The following BNC2 variants were observed in gnomAD, a reference collection of about 807,000 sequenced individuals.
BNC2 encodes the protein zinc finger protein basonuclin-2.
Under a neutral mutation model 76.3 loss-of-function variants are expected in BNC2, and 20 were observed. The ratio of observed to expected loss-of-function variants is 0.26; its 90% CI spans 0.18 to 0.38. BNC2 has a LOEUF of 0.38. Among genes scored for constraint, BNC2 ranks in the 10% least tolerant of loss-of-function variants. BNC2 has a pLI of 1.00. For synonymous variants in BNC2, 582 were observed against 514.8 expected (o/e 1.13, Z -1.77); for missense variants, 1,382 against 1,399.8 (o/e 0.99, Z 0.20).
intron 3 of BNC2, among the ~76,000 whole-genome samples, chr9:16,640,891 T>A (rs1821475115): frequency 6.6e-6 from 1 of 152,078 alleles, no homozygotes; most frequent in Non-Finnish European, 1.5e-5. Context: ...AAACTAACAC[T>A]AGGATCCTGT....
chr9:16,870,544 A>C, intron 1 of BNC2, 102 bp downstream of exon 1: 2 of 1,375,050 alleles, frequency 1.5e-6, no homozygotes, highest in Non-Finnish European at 2.0e-6. Flanking sequence ...CGCGGGCCGG[A>C]GGGCGGACAC....
intron 5 of BNC2, among the ~76,000 whole-genome samples, chr9:16,523,604 T>A (rs2132108747): frequency 6.6e-6 from 1 of 151,928 alleles, no homozygotes; most frequent in African/African-American, 2.4e-5. Context: ...AGGTATAAAC[T>A]TTCTGGAAAA....
rs556078775 is a variant in BNC2, at chr9:16,579,921, A to G, written c.433+3062T>C. 4.3e-5 allele frequency: 17 copies of G among 395,182 alleles called. No homozygotes were observed. The East Asian group carries it at 6.1e-4, about 14-fold the overall frequency. The allele number at this position is 395,182 out of a possible 1,614,324, so 24.5% of individuals were successfully genotyped here. A position where few individuals can be genotyped will look rare whatever the true frequency, so the allele number is the denominator to read the frequency against. ...AGATATTAAAAATTTTTTTATTGAC[A>G]TAATGACAGGTAGAATGCATTCAGT... On this transcript the variant is annotated intron_variant, in intron 4 of 6. Coordinates refer to ENST00000380672, the MANE Select transcript of BNC2 (RefSeq NM_017637.6).
At chr9:16,731,564 G>T (rs565484817) in intron 2 of BNC2, among the ~76,000 whole-genome samples, 1 of 152,310 alleles carries the variant, frequency 6.6e-6, no homozygotes, top group Admixed American at 6.5e-5. Context: ...CTCTGAAAGT[G>T]ACTTCTGATG....
rs115314387 is a variant in BNC2 at position 16,446,520 on chromosome 9, G to T, written c.670-8996C>A. The stretch of plus-strand genomic sequence containing the variant: ...CAATGGAAAGGATATATTTTTAAAA[G>T]AAGTAATGTATTCACAAGTTGAACA... On this transcript the variant is annotated intron_variant, in intron 5 of 6. Coordinates refer to ENST00000380672, the MANE Select transcript of BNC2 (RefSeq NM_017637.6). 4.1e-3 allele frequency among the ~76,000 whole-genome samples: 630 copies of T among 152,016 alleles called. 1 individual carries two copies. Among genetic ancestry groups the T allele is most frequent in the Middle Eastern group, 0.02 (6 of 294 alleles).
At chr9:16,782,158 A>G (rs1952688) in intron 1 of BNC2, among the ~76,000 whole-genome samples, 18,017 of 151,746 alleles carry the variant, frequency 0.12, 1,334 homozygotes, top group East Asian at 0.32. Flanking sequence ...GGTGGCGTGC[A>G]CCTGTAGTCC....
chr9:16,663,754 A>G (rs1037116417), intron 3 of BNC2, among the ~76,000 whole-genome samples: 2 of 152,232 alleles, frequency 1.3e-5, no homozygotes, highest in African/African-American at 4.8e-5. Context: ...CAAAATTTTA[A>G]AGAGTCAGGT....
At chr9:16,510,287 C>A (rs1483021883) in intron 5 of BNC2, among the ~76,000 whole-genome samples, 1 of 152,210 alleles carries the variant, frequency 6.6e-6, no homozygotes, top group African/African-American at 2.4e-5. Flanking sequence ...AGGCCTGCAT[C>A]CTGGTTTCCT....
chr9:16,784,754 T>C (rs1826238341), intron 1 of BNC2, among the ~76,000 whole-genome samples: 1 of 152,274 alleles, frequency 6.6e-6, no homozygotes, highest in South Asian at 2.1e-4. Context: ...AGTAGGTCAG[T>C]GGGAATGAAA....
chr9:16,474,905 A>T (rs1821897924), intron 5 of BNC2, among the ~76,000 whole-genome samples: 2 of 152,282 alleles, frequency 1.3e-5, no homozygotes, highest in South Asian at 4.1e-4. Flanking sequence ...AAGGTACTGA[A>T]AATGGCATTA....
At chr9:16,438,840 G>C (rs1438462587) in intron 5 of BNC2, among the ~76,000 whole-genome samples, 1 of 152,010 alleles carries the variant, frequency 6.6e-6, no homozygotes, top group African/African-American at 2.4e-5. Flanking sequence ...TGTTCCGCTT[G>C]TTAGGACACA....
intron 3 of BNC2, among the ~76,000 whole-genome samples, chr9:16,620,596 C>T (rs1486323628): frequency 6.6e-6 from 1 of 152,072 alleles, no homozygotes; most frequent in South Asian, 2.1e-4. Context: ...CCATGTGACA[C>T]AAAATGAGTA....
chr9:16,451,235 T>C (rs1821333767), intron 5 of BNC2, among the ~76,000 whole-genome samples: 1 of 152,066 alleles, frequency 6.6e-6, no homozygotes, highest in East Asian at 1.9e-4. Flanking sequence ...GTTGGTGAAA[T>C]CGGTGCTGGT....
At chr9:16,766,115 G>C (rs75001037) in intron 1 of BNC2, among the ~76,000 whole-genome samples, 153 of 152,262 alleles carry the variant, frequency 1.0e-3, no homozygotes, top group African/African-American at 3.6e-3. Context: ...TACCCTGTTA[G>C]GTCTCCATAT....
intron 4 of BNC2, among the ~76,000 whole-genome samples, chr9:16,563,597 G>A (rs968524215): frequency 1.3e-5 from 2 of 152,170 alleles, no homozygotes; most frequent in East Asian, 3.8e-4. Flanking sequence ...CCAATCAAGT[G>A]CTGTGTAATT....
rs191755252 is a variant in BNC2 at position 16,660,669 on chromosome 9, G to A, written c.330+67128C>T. On this transcript the variant is annotated intron_variant, in intron 3 of 6. Coordinates refer to ENST00000380672, the MANE Select transcript of BNC2 (RefSeq NM_017637.6). ...TTCCACAGAATGTGCCAGCCAATAT[G>A]ACTGCTATACAATAGGCCCTCTGTA... Among the ~76,000 whole-genome samples the A allele has an allele frequency of 8.2e-4, 125 of 152,108 alleles. 1 individual carries two copies. Among genetic ancestry groups the A allele is most frequent in the Non-Finnish European group, 1.6e-3 (107 of 68,008 alleles).
intron 1 of BNC2, among the ~76,000 whole-genome samples, chr9:16,787,864 A>T (rs1826340710): frequency 6.6e-6 from 1 of 152,186 alleles, no homozygotes; most frequent in South Asian, 2.1e-4. Flanking sequence ...AGACAATATT[A>T]ATCAAGCACA....
intron 1 of BNC2, among the ~76,000 whole-genome samples, chr9:16,815,484 T>C (rs187217918): frequency 6.6e-6 from 1 of 152,328 alleles, no homozygotes; most frequent in African/African-American, 2.4e-5. Flanking sequence ...TCAACTTTAA[T>C]ATAGCAGGTA....
At chr9:16,835,122 C>T (rs893386865) in intron 1 of BNC2, among the ~76,000 whole-genome samples, 1 of 152,134 alleles carries the variant, frequency 6.6e-6, no homozygotes, top group East Asian at 1.9e-4. Flanking sequence ...CACTGTCCTT[C>T]CACACAAATA....
Sources: gnomAD v4.1 joint callset for allele counts (sites outside exome capture counted in the v4.1 genomes callset) on GRCh38, gnomAD v4.1.1 for gene constraint, MANE v1.5 for transcripts, NCBI Gene and HGNC (gene_info 2026-07-23, HGNC 2026-07-21) for gene names.